Variants in HMCN1 observed in about 807,000 individuals in gnomAD.
The protein encoded by HMCN1 is hemicentin-1.
HMCN1 carries 321 observed loss-of-function variants against 625.9 expected under a neutral mutation model. The observed-to-expected ratio is 0.51, with a 90% CI of 0.47 to 0.56. The LOEUF (loss-of-function observed/expected upper bound fraction) is 0.56. Among genes scored for constraint, HMCN1 ranks in the 20% least tolerant of loss-of-function variants. The probability of loss-of-function intolerance (pLI) is 0.00; values close to 1 mark genes in which losing one functional copy is unlikely to be tolerated. For missense variants in HMCN1, 6,588 were observed against 6,887.3 expected (o/e 0.96, Z 1.54); for synonymous variants, 2,425 against 2,417.6 (o/e 1.00, Z -0.09).
intron 11 of HMCN1, 54 bp downstream of exon 11, chr1:185,933,878 A>T (rs893980402): frequency 6.2e-5 from 97 of 1,554,806 alleles, no homozygotes; most frequent in Middle Eastern, 5.0e-4. Flanking sequence ...CTCTATTTTT[A>T]AAATTTTTGT....
intron 11 of HMCN1, among the ~76,000 whole-genome samples, chr1:185,950,084 A>C (rs1326249047): frequency 1.1e-4 from 16 of 151,334 alleles, no homozygotes; most frequent in African/African-American, 3.9e-4. Flanking sequence ...GGAAAGAAGG[A>C]AATTTGGGGA....
At chr1:185,779,649 A>G (rs1413289557) in intron 1 of HMCN1, among the ~76,000 whole-genome samples, 2 of 152,196 alleles carry the variant, frequency 1.3e-5, no homozygotes, top group Non-Finnish European at 2.9e-5. Flanking sequence ...CAAAGATCAG[A>G]TGGCTATAGA....
At chr1:186,108,797 T>G (rs1660743910) in intron 71 of HMCN1, among the ~76,000 whole-genome samples, 200 bp downstream of exon 71, 1 of 152,216 alleles carries the variant, frequency 6.6e-6, no homozygotes, top group Non-Finnish European at 1.5e-5. Flanking sequence ...AGTTAATAGT[T>G]GGTCATGGGT....
chr1:185,955,397 T>A (rs1649547515), intron 11 of HMCN1, among the ~76,000 whole-genome samples: 1 of 152,154 alleles, frequency 6.6e-6, no homozygotes, highest in Admixed American at 6.6e-5. Flanking sequence ...GAAATAAAAA[T>A]TTTTCCTTTC....
chr1:186,008,547 T>C (rs1653786928), intron 30 of HMCN1, among the ~76,000 whole-genome samples: 1 of 152,164 alleles, frequency 6.6e-6, no homozygotes. Flanking sequence ...ATTTGATTTC[T>C]ATTGAACAAC....
chr1:185,875,347 A>C (rs1421370447), intron 4 of HMCN1, among the ~76,000 whole-genome samples: 2 of 151,966 alleles, frequency 1.3e-5, no homozygotes, highest in African/African-American at 4.8e-5. Flanking sequence ...TATAAGCAAG[A>C]CTCTATGCTA....
intron 42 of HMCN1, among the ~76,000 whole-genome samples, chr1:186,049,050 A>G (rs1431270167): frequency 6.6e-6 from 1 of 152,088 alleles, no homozygotes; most frequent in Non-Finnish European, 1.5e-5. Context: ...TTAGATGTTG[A>G]AGGATTCTCC....
At chr1:185,790,727 C>T (rs1366974104) in intron 1 of HMCN1, among the ~76,000 whole-genome samples, 1 of 152,154 alleles carries the variant, frequency 6.6e-6, no homozygotes, top group East Asian at 1.9e-4. Flanking sequence ...TGATTGCATC[C>T]CCCATTATGC....
Position 186,078,169 on chromosome 1 carries a change from G to T in HMCN1, c.8548G>T (p.Ala2850Ser), listed in dbSNP as rs751715888. 1.9e-6 allele frequency: 3 copies of T among 1,613,856 alleles called. No individual in the cohort carries two copies. The highest frequency in any genetic ancestry group is 1.1e-5 in the South Asian group (1 of 91,070). The change falls in exon 55 of 107, where the codon GCT becomes TCT. Residue 2850 changes from alanine to serine, a missense_variant. Ala to Ser is a moderately conservative substitution (Grantham distance 99). Coordinates refer to ENST00000271588, the MANE Select transcript of HMCN1 (RefSeq NM_031935.3). ...AGATGCTGGGAGATACACATGTGTG[G>T]CTGTGAATGAGGCTGGAGAAGATTC... ...VEDAGRYTCV[A>S]VNEAGEDSLQ... is the part of the protein sequence containing the mutation.
chr1:186,151,276 C>T lies in HMCN1; in HGVS notation c.14685C>T (p.Ala4895=). 1 of 1,612,904 alleles carries T rather than the reference C, an allele frequency of 6.2e-7. No homozygotes were observed. The highest frequency in any genetic ancestry group is 8.5e-7 in the Non-Finnish European group (1 of 1,178,996). Reference sequence around the variant, plus strand: ...AATTTGGAATTGCTTTCCTTAATGCCACAATAACTGATAGCCCTAACTCTG... The same window carrying T: ...AATTTGGAATTGCTTTCCTTAATGCTACAATAACTGATAGCCCTAACTCTG... ...DVEFGIAFLN[A]TITDSPNSDT... is the part of the protein sequence containing the mutation. The change falls in exon 94 of 107, where the codon GCC becomes GCT. Residue 4895 remains alanine (A), a synonymous_variant. Coordinates refer to ENST00000271588, the MANE Select transcript of HMCN1 (RefSeq NM_031935.3).
chr1:185,962,673 A>G lies in HMCN1; in HGVS notation c.1970+14A>G. ...GGGTTCACACAGGTACTGGGTTTGTATCATGTTTTTGTTTTTATTGAGTGA... is the reference window on the plus strand; with the variant it reads ...GGGTTCACACAGGTACTGGGTTTGTGTCATGTTTTTGTTTTTATTGAGTGA... On this transcript the variant is annotated intron_variant, in intron 12 of 106. Coordinates refer to ENST00000271588, the MANE Select transcript of HMCN1 (RefSeq NM_031935.3). The G allele has an allele frequency of 6.7e-7, 1 of 1,499,444 alleles. No individual in the cohort carries two copies. The highest frequency in any genetic ancestry group is 9.3e-7 in the Non-Finnish European group (1 of 1,075,386). The allele number at this position is 1,499,444 out of a possible 1,614,324, so 92.9% of individuals were successfully genotyped here. A position where few individuals can be genotyped will look rare whatever the true frequency, so the allele number is the denominator to read the frequency against.
At chr1:185,976,240 C>T (rs1167450369) in intron 15 of HMCN1, among the ~76,000 whole-genome samples, 1 of 151,978 alleles carries the variant, frequency 6.6e-6, no homozygotes, top group Non-Finnish European at 1.5e-5. Context: ...TTTCAACAGC[C>T]AGAGATCAAT....
intron 42 of HMCN1, among the ~76,000 whole-genome samples, chr1:186,050,393 G>A (rs767754884): frequency 8.6e-5 from 13 of 151,832 alleles, no homozygotes; most frequent in South Asian, 2.1e-4. Context: ...AGAAGAGTAC[G>A]CGATAGGATG....
chr1:186,081,306 C>T lies in HMCN1; in HGVS notation c.8699C>T (p.Pro2900Leu). 6.2e-7 allele frequency: 1 copy of T among 1,613,662 alleles called. No homozygotes were observed. The highest frequency in any genetic ancestry group is 1.7e-5 in the Admixed American group (1 of 59,978). ...ATAGAGTGTTTATCCAGTGGCAGCC[C>T]AGCACCAAGGAATTCCTGGCAGAAA... ...ALIECLSSGSPAPRNSWQKDG... is the reference protein window; with the variant it reads ...ALIECLSSGSLAPRNSWQKDG... Residue 2900 changes from proline to leucine, a missense_variant, in exon 56 of 107, where the codon CCA becomes CTA. By Grantham distance (98) the Pro-to-Leu change is moderately conservative. Transcript: ENST00000271588.
chr1:186,120,553 G>A (rs1661353246), intron 80 of HMCN1, among the ~76,000 whole-genome samples: 1 of 152,170 alleles, frequency 6.6e-6, no homozygotes, highest in South Asian at 2.1e-4. Context: ...TTATTCTAAA[G>A]AGAAAGCAGG....
chr1:185,757,011 G>A (rs765124708), intron 1 of HMCN1, among the ~76,000 whole-genome samples: 1 of 152,054 alleles, frequency 6.6e-6, no homozygotes, highest in Non-Finnish European at 1.5e-5. Context: ...TTTCACTCTT[G>A]TTGCCCAGGC....
intron 1 of HMCN1, among the ~76,000 whole-genome samples, chr1:185,819,476 C>G (rs1448140673): frequency 2.6e-5 from 4 of 152,034 alleles, no homozygotes; most frequent in Non-Finnish European, 5.9e-5. Context: ...TCCATGAGTT[C>G]TCTGATATTA....
At chr1:186,103,732 A>G in intron 69 of HMCN1, 64 bp downstream of exon 69, 1 of 1,359,280 alleles carries the variant, frequency 7.4e-7, no homozygotes, top group Non-Finnish European at 1.0e-6. Context: ...CTAATATATG[A>G]GATTTGTTAA....
At chr1:186,155,501 T>A (rs1044056913) in intron 97 of HMCN1, among the ~76,000 whole-genome samples, 1 of 152,178 alleles carries the variant, frequency 6.6e-6, no homozygotes, top group Non-Finnish European at 1.5e-5. Context: ...AAAAGATAAC[T>A]GGGCACAAAT....
Sources: allele counts gnomAD v4.1 joint callset (sites outside exome capture counted in the v4.1 genomes callset), GRCh38; gene constraint gnomAD v4.1.1; transcripts MANE v1.5; gene names NCBI Gene and HGNC (gene_info 2026-07-23, HGNC 2026-07-21).